The following CXADR variants were observed in gnomAD, a reference collection of about 807,000 sequenced individuals.
CXADR encodes CXADR cell adhesion molecule.
In CXADR, 20 loss-of-function variants were observed where a neutral mutation model predicts 40.3. The observed-to-expected ratio is 0.50, with a 90% CI of 0.35 to 0.72. CXADR has a LOEUF of 0.72. Among genes scored for constraint, CXADR ranks in the 30% least tolerant of loss-of-function variants. The pLI, the probability that CXADR is intolerant of heterozygous loss-of-function variation, is 0.01. For synonymous variants in CXADR, 150 were observed against 161.3 expected (o/e 0.93, Z 0.53); for missense variants, 332 against 449.1 (o/e 0.74, Z 2.36).
At chr21:17,575,500 T>C (rs2061315252) in intron 7 of CXADR, among the ~76,000 whole-genome samples, 1 of 151,094 alleles carries the variant, frequency 6.6e-6, no homozygotes. Flanking sequence ...AAATTTTTTT[T>C]TTTTTTTTGA....
chr21:17,596,705 T>C (rs1244686170), downstream of CXADR, among the ~76,000 whole-genome samples: 2 of 152,064 alleles, frequency 1.3e-5, no homozygotes, highest in Non-Finnish European at 2.9e-5. Flanking sequence ...TAGCTTTGAA[T>C]TAGTGTGAGC....
At chr21:17,598,048 C>T (rs778533759), downstream of CXADR, among the ~76,000 whole-genome samples, 3 of 151,988 alleles carry the variant, frequency 2.0e-5, no homozygotes, top group Non-Finnish European at 4.4e-5. Context: ...GCTGTTTGGT[C>T]AACAATTTTT....
intron 7 of CXADR, among the ~76,000 whole-genome samples, chr21:17,589,494 A>G (rs1267231841): frequency 6.6e-6 from 1 of 152,006 alleles, no homozygotes; most frequent in Non-Finnish European, 1.5e-5. Context: ...TATTCTCTGT[A>G]TTTGTCCCAT....
chr21:17,535,045 G>A lies in CXADR; in HGVS notation c.44-11982G>A, dbSNP rs565244114. ...GATCCGCCTGCCTTGGCCTCCGAAA[G>A]TGCTGGGATTATAGGCATGAGCCAC... On this transcript the variant is annotated intron_variant, in intron 1 of 6. Coordinates refer to ENST00000284878, the MANE Select transcript of CXADR (RefSeq NM_001338.5). 4.7e-4 allele frequency among the ~76,000 whole-genome samples: 72 copies of A among 152,280 alleles called. 1 individual carries two copies. Among genetic ancestry groups the A allele is most frequent in the Non-Finnish European group, 1.3e-4 (9 of 68,028 alleles).
chr21:17,568,496 C>G lies in CXADR; in HGVS notation c.*2804C>G, dbSNP rs376565983. 3.1e-6 allele frequency: 3 copies of G among 957,198 alleles called. No individual in the cohort carries two copies. The highest frequency in any genetic ancestry group is 3.7e-6 in the Non-Finnish European group (3 of 819,662). 59.3% of individuals were successfully genotyped at this position (957,198 alleles called of 1,614,324 possible). A position where few individuals can be genotyped will look rare whatever the true frequency, so the allele number is the denominator to read the frequency against. On this transcript the variant is annotated 3_prime_UTR_variant, in exon 7 of 7. Transcript: ENST00000284878. The stretch of plus-strand genomic sequence containing the variant: ...AACTGAGAGACTTGATACCATCCAT[C>G]TCTTTAGGTTACAGAGGATAATTTG...
chr21:17,583,026 G>T (rs2061371879), intron 7 of CXADR, among the ~76,000 whole-genome samples: 1 of 152,216 alleles, frequency 6.6e-6, no homozygotes. Flanking sequence ...AAAGATATCA[G>T]TGACTGCAAT....
intron 7 of CXADR, among the ~76,000 whole-genome samples, chr21:17,576,355 A>G (rs973589459): frequency 6.6e-6 from 1 of 152,040 alleles, no homozygotes; most frequent in South Asian, 2.1e-4. Flanking sequence ...TAACCTCTCC[A>G]TACTCCTTTA....
the CXADR span, among the ~76,000 whole-genome samples, chr21:17,607,532 AT>A: frequency 1.3e-5 from 2 of 152,222 alleles, no homozygotes; most frequent in Non-Finnish European, 2.9e-5. Context: ...AACTATTTTG[AT>A]TCTCTTCTTG....
intron 7 of CXADR, among the ~76,000 whole-genome samples, chr21:17,577,129 G>T (rs1287351063): frequency 2.6e-5 from 4 of 151,564 alleles, no homozygotes. Context: ...TTCAGTCTGG[G>T]CTACAGAGTG....
chr21:17,627,723 G>A, the CXADR span, among the ~76,000 whole-genome samples: 1 of 152,314 alleles, frequency 6.6e-6, no homozygotes, highest in African/African-American at 2.4e-5. Flanking sequence ...TAAAAGCAAT[G>A]TTAGGAAAAT....
At chr21:17,577,640 T>TTTTTTTTTTTTTA (rs71189549) in intron 7 of CXADR, among the ~76,000 whole-genome samples, 1 of 114,564 alleles carries the variant, frequency 8.7e-6, no homozygotes, top group Non-Finnish European at 2.0e-5. Context: ...TTTTTTTTTT[T>TTTTTTTTTTTTTA]AACTGATGCA....
intron 7 of CXADR, among the ~76,000 whole-genome samples, chr21:17,583,356 G>A (rs889314026): frequency 6.6e-6 from 1 of 152,048 alleles, no homozygotes; most frequent in African/African-American, 2.4e-5. Context: ...AGCAGTTAAA[G>A]TTCTGCAAAA....
chr21:17,559,804 G>A (rs1212030248), intron 4 of CXADR, among the ~76,000 whole-genome samples: 1 of 149,026 alleles, frequency 6.7e-6, no homozygotes, highest in Admixed American at 6.7e-5. Flanking sequence ...TCAGCCTCCC[G>A]AGTAGCTGAG....
the CXADR span, chr21:17,614,171 C>T: frequency 6.6e-6 from 1 of 151,572 alleles, no homozygotes; most frequent in Non-Finnish European, 1.5e-5. Flanking sequence ...GATATTTACA[C>T]CTTGGAGTCT....
chr21:17,529,938 T>A (rs1270474877), intron 1 of CXADR, among the ~76,000 whole-genome samples: 1 of 149,526 alleles, frequency 6.7e-6, no homozygotes, highest in Non-Finnish European at 1.5e-5. Context: ...ACTATTTTTC[T>A]TTTTCTTTTT....
Position 17,577,612 on chromosome 21 carries a change from C to CTTTTTTTTTTTTTTTTTTTTT in CXADR, c.1017+12009_1017+12029dup, listed in dbSNP as rs532541050. 5.5e-4 allele frequency among the ~76,000 whole-genome samples: 20 copies of CTTTTTTTTTTTTTTTTTTTTT among 36,576 alleles called. 1 individual carries two copies. The highest frequency in any genetic ancestry group is 3.8e-3 in the South Asian group (2 of 530). 24.0% of individuals were successfully genotyped at this position (36,576 alleles called of 152,430 possible). A position where few individuals can be genotyped will look rare whatever the true frequency, so the allele number is the denominator to read the frequency against. ...CTCACACGTCAGACCATTCTGCAAG[C>CTTTTTTTTTTTTTTTTTTTTT]TTTTTTTTTTTTTTTTTTTTTTTTT... On this transcript the variant is annotated intron_variant, in intron 7 of 7. Coordinates refer to the CXADR transcript ENST00000400169.
rs1164175578 is a variant in CXADR, at chr21:17,568,560, T to C, written c.*2868T>C. ...CTGTAGAATATATAGTTCTGTACTT[T>C]TTTTTTTTTTTTTTAAGAGATAGGG... On this transcript the variant is annotated 3_prime_UTR_variant, in exon 7 of 7. Transcript: ENST00000284878. 1.3e-6 allele frequency: 1 copy of C among 759,292 alleles called. No homozygotes were observed. The highest frequency in any genetic ancestry group is 1.6e-6 in the Non-Finnish European group (1 of 622,066). The allele number at this position is 759,292 out of a possible 1,614,324, so 47.0% of individuals were successfully genotyped here. A position where few individuals can be genotyped will look rare whatever the true frequency, so the allele number is the denominator to read the frequency against.
At position 17,561,520 on chromosome 21, in the gene CXADR, T is replaced by A. The variant is rs191648127; in HGVS notation, c.833+44T>A. Reference sequence around the variant, plus strand: ...AGTTGACTGATGTATACCAAATATATGTCATTTCTCTAAAGCATTCGTTCT... The same window carrying A: ...AGTTGACTGATGTATACCAAATATAAGTCATTTCTCTAAAGCATTCGTTCT... On this transcript the variant is annotated intron_variant, in intron 6 of 6. Transcript: ENST00000284878. 2.7e-3 allele frequency: 4,175 copies of A among 1,524,786 alleles called. 15 individuals are homozygous for A. The highest frequency in any genetic ancestry group is 3.3e-3 in the Non-Finnish European group (3,703 of 1,120,642). 94.5% of individuals were successfully genotyped at this position (1,524,786 alleles called of 1,614,324 possible).
chr21:17,558,752 A>G (rs893759680), intron 3 of CXADR, among the ~76,000 whole-genome samples: 5 of 152,148 alleles, frequency 3.3e-5, no homozygotes, highest in Admixed American at 2.6e-4. Context: ...AGATATTGCC[A>G]TATCTACTAA....
Sources: allele counts gnomAD v4.1 joint callset (sites outside exome capture counted in the v4.1 genomes callset), GRCh38; gene constraint gnomAD v4.1.1; transcripts MANE v1.5; gene names NCBI Gene and HGNC (gene_info 2026-07-23, HGNC 2026-07-21).